The following GRM1 variants were observed in gnomAD, a reference collection of about 807,000 sequenced individuals.
GRM1 encodes glutamate metabotropic receptor 1, also known as metabotropic glutamate receptor 1.
A neutral mutation model predicts 90.9 loss-of-function variants in GRM1; 33 were observed. The ratio of observed to expected loss-of-function variants is 0.36; its 90% confidence interval spans 0.28 to 0.49. The LOEUF (loss-of-function observed/expected upper bound fraction) is 0.49. GRM1 is among the 20% of genes least tolerant of loss of function. The probability of loss-of-function intolerance (pLI) is 0.99; values close to 1 mark genes in which losing one functional copy is unlikely to be tolerated. For synonymous variants in GRM1, 700 were observed against 613.2 expected, an observed-to-expected ratio of 1.14 and a Z score of -2.09; for missense variants, 1,190 against 1,534.3, an observed-to-expected ratio of 0.78 and a Z score of 3.75.
intron 1 of GRM1, among the ~76,000 whole-genome samples, chr6:146,141,326 T>G (rs2128884079): frequency 6.6e-6 from 1 of 152,090 alleles, no homozygotes; most frequent in South Asian, 2.1e-4. Context: ...TTTTTGTCCT[T>G]GACCTTGGGA....
In GRM1 at chr6:146,399,944, G is replaced by T. The variant is rs1777097977; in HGVS notation, c.2660+245G>T. On this transcript the variant is annotated intron_variant, in intron 7 of 7. Coordinates refer to ENST00000282753, the MANE Select transcript of GRM1 (RefSeq NM_001278064.2). The surrounding 1 kb of genome is among the most constrained non-coding windows in gnomAD (Gnocchi z 5.4). ...TGTTTTCATTTCTTTGAAAGAAAAG[G>T]AGCAGGAAACAATCTTTATTCTTGC... is the stretch of plus-strand genomic sequence containing the variant. 6.6e-6 allele frequency among the ~76,000 whole-genome samples: 1 copy of T among 152,126 alleles called. No individual in the cohort carries two copies. Among genetic ancestry groups the T allele is most frequent in the African/African-American group, 2.4e-5 (1 of 41,414 alleles).
intron 2 of GRM1, among the ~76,000 whole-genome samples, chr6:146,243,320 C>A (rs971170139): frequency 1.3e-5 from 2 of 151,994 alleles, no homozygotes; most frequent in African/African-American, 4.8e-5. Context: ...TACTCAGTTC[C>A]TAAGTGGTAC....
chr6:146,029,339 G>A lies in GRM1; in HGVS notation c.-179G>A, dbSNP rs559804036. On this transcript the variant is annotated 5_prime_UTR_variant, in exon 1 of 8. Coordinates refer to ENST00000282753, the MANE Select transcript of GRM1 (RefSeq NM_001278064.2). ...AGGCGGTCGTGGAGGACCCAGAGGA[G>A]GAGACGAAGGGGAAGGAGGCGGTGG... 1.2e-5 allele frequency: 8 copies of A among 653,204 alleles called. No homozygotes were observed. In the African/African-American group the frequency reaches 1.3e-4, roughly 10 times the overall value. 40.5% of individuals were successfully genotyped at this position (653,204 alleles called of 1,614,324 possible).
chr6:146,202,207 G>T (rs1461875812), intron 2 of GRM1, among the ~76,000 whole-genome samples: 1 of 152,118 alleles, frequency 6.6e-6, no homozygotes, highest in Non-Finnish European at 1.5e-5. Flanking sequence ...GCTATCCCAT[G>T]CCTTATAATA....
intron 5 of GRM1, among the ~76,000 whole-genome samples, chr6:146,379,748 C>A (rs1350790471): frequency 6.6e-6 from 1 of 152,094 alleles, no homozygotes; most frequent in Admixed American, 6.6e-5. Context: ...TTTGAAAGAA[C>A]TTGAGTGTTG....
At chr6:146,420,597 A>G (rs770599259) in intron 7 of GRM1, among the ~76,000 whole-genome samples, 57 of 152,350 alleles carry the variant, frequency 3.7e-4, no homozygotes, top group Non-Finnish European at 6.2e-4. Flanking sequence ...CTCATCTGAT[A>G]TAAAATACTA....
At chr6:146,152,129 A>G (rs1218062496) in intron 1 of GRM1, among the ~76,000 whole-genome samples, 2 of 152,148 alleles carry the variant, frequency 1.3e-5, no homozygotes, top group African/African-American at 2.4e-5. Flanking sequence ...ATAGCACATT[A>G]CCACGTTGCA....
chr6:146,400,077 A>G (rs578140704), intron 7 of GRM1, among the ~76,000 whole-genome samples: 1 of 152,294 alleles, frequency 6.6e-6, no homozygotes, highest in East Asian at 1.9e-4. Context: ...GGCAAGCACT[A>G]ATTATAATGT....
chr6:146,106,935 T>C (rs17824144), intron 1 of GRM1, among the ~76,000 whole-genome samples: 8,268 of 152,332 alleles, frequency 0.054, 305 homozygotes, highest in Non-Finnish European at 0.083. Context: ...TTTTTACTTG[T>C]ATCACTTTCT....
chr6:146,310,964 T>G (rs993547068), intron 3 of GRM1, among the ~76,000 whole-genome samples: 14 of 152,234 alleles, frequency 9.2e-5, no homozygotes, highest in African/African-American at 3.4e-4. Flanking sequence ...TGGGATGGTT[T>G]GTTATGCGGC....
intron 2 of GRM1, among the ~76,000 whole-genome samples, chr6:146,263,791 T>G (rs1781779685): frequency 1.3e-5 from 2 of 152,094 alleles, no homozygotes; most frequent in South Asian, 4.1e-4. Flanking sequence ...AAAAATCAAC[T>G]ATTTCATTTA....
chr6:146,181,491 T>A (rs1323494029), intron 2 of GRM1, among the ~76,000 whole-genome samples: 1 of 152,196 alleles, frequency 6.6e-6, no homozygotes, highest in Non-Finnish European at 1.5e-5. Flanking sequence ...TAACTCCTTA[T>A]TGTATTGAAT....
chr6:146,263,510 A>G (rs1781770824), intron 2 of GRM1, among the ~76,000 whole-genome samples: 1 of 151,984 alleles, frequency 6.6e-6, no homozygotes, highest in Non-Finnish European at 1.5e-5. Flanking sequence ...AAAAAATTAT[A>G]AAATAGCAGG....
At chr6:146,325,438 A>G (rs1420284333) in intron 3 of GRM1, among the ~76,000 whole-genome samples, 1 of 152,218 alleles carries the variant, frequency 6.6e-6, no homozygotes, top group Non-Finnish European at 1.5e-5. Context: ...TGTACAAGTT[A>G]TTATGATATA....
chr6:146,255,475 G>T (rs531614729), intron 2 of GRM1, among the ~76,000 whole-genome samples: 3 of 152,028 alleles, frequency 2.0e-5, no homozygotes, highest in Non-Finnish European at 4.4e-5. Context: ...TTTAGTGCTT[G>T]ATCTATCCTT....
At position 146,275,178 on chromosome 6, in the gene GRM1, AAAAAC is replaced by A. The variant is rs751270956; in HGVS notation, c.951-29411_951-29407del. On this transcript the variant is annotated intron_variant, in intron 2 of 7. Transcript: ENST00000282753. ...CAAAAAGCGAAACTGACAGAGAGAG[AAAAAC>A]AAAACAAAACAAAACAAAACATGTA... is the stretch of plus-strand genomic sequence containing the variant. Among the ~76,000 whole-genome samples, 22 of 152,314 alleles carry A rather than the reference AAAAAC, an allele frequency of 1.4e-4. No individual in the cohort carries two copies. The East Asian group carries it at 1.7e-3, about 12-fold the overall frequency.
At chr6:146,154,511 G>A (rs1777451075) in intron 1 of GRM1, among the ~76,000 whole-genome samples, 1 of 152,072 alleles carries the variant, frequency 6.6e-6, no homozygotes, top group South Asian at 2.1e-4. Context: ...CTTCGTTTGG[G>A]CTTCACTGGA....
At chr6:146,253,869 T>C (rs909163151) in intron 2 of GRM1, among the ~76,000 whole-genome samples, 25 of 152,226 alleles carry the variant, frequency 1.6e-4, no homozygotes, top group African/African-American at 6.0e-4. Context: ...AAACTTTGAG[T>C]CACAGGGATA....
intron 2 of GRM1, among the ~76,000 whole-genome samples, chr6:146,165,820 T>C (rs1209983776): frequency 6.6e-6 from 1 of 152,152 alleles, no homozygotes; most frequent in Non-Finnish European, 1.5e-5. Flanking sequence ...TATAGATCTC[T>C]GATACAGAAT....
Sources: gnomAD v4.1 joint callset for allele counts (sites outside exome capture counted in the v4.1 genomes callset) on GRCh38, gnomAD v4.1.1 for gene constraint, Gnocchi (gnomAD v3.1) non-coding constraint, MANE v1.5 for transcripts, NCBI Gene and HGNC (gene_info 2026-07-23, HGNC 2026-07-21) for gene names.